AMD1: variants seen among roughly 807,000 people sequenced by gnomAD.
The protein encoded by AMD1 is adenosylmethionine decarboxylase 1.
In AMD1, 11 loss-of-function variants were observed where a neutral mutation model predicts 40.2. The ratio of observed to expected loss-of-function variants is 0.27; its 90% CI spans 0.17 to 0.45. The LOEUF is 0.45. Ranked by LOEUF, AMD1 falls within the 20% of genes least tolerant of loss-of-function variation. The pLI is 1.00. For missense variants in AMD1, 257 were observed against 410.2 expected (o/e 0.63, Z 3.23); for synonymous variants, 121 against 130.8 (o/e 0.93, Z 0.51).
chr6:110,844,609 A>T, the AMD1 span, among the ~76,000 whole-genome samples: 1 of 151,642 alleles, frequency 6.6e-6, no homozygotes, highest in Admixed American at 6.6e-5. Context: ...GTGAAACCCC[A>T]TCTCTACTAA....
the AMD1 span, among the ~76,000 whole-genome samples, chr6:110,853,687 C>T: frequency 6.6e-6 from 1 of 152,162 alleles, no homozygotes; most frequent in Non-Finnish European, 1.5e-5. Context: ...GCGATCCTCT[C>T]ACCTCAGCCT....
the AMD1 span, among the ~76,000 whole-genome samples, chr6:110,843,640 G>T: frequency 1.3e-5 from 2 of 152,068 alleles, no homozygotes; most frequent in African/African-American, 4.8e-5. Flanking sequence ...AGGCTGGAGT[G>T]CAGTGGCGCC....
intron 1 of AMD1, among the ~76,000 whole-genome samples, chr6:110,880,216 C>T (rs1477138833): frequency 6.6e-6 from 1 of 152,098 alleles, no homozygotes; most frequent in Non-Finnish European, 1.5e-5. Context: ...CGCCCCTGGT[C>T]CCTTTGTCCA....
chr6:110,863,245 C>G, the AMD1 span, among the ~76,000 whole-genome samples: 1 of 149,198 alleles, frequency 6.7e-6, no homozygotes, highest in Non-Finnish European at 1.5e-5. Context: ...ACGCCTGGCC[C>G]CCAAGTTCGT....
At chr6:110,816,674 A>G in the AMD1 span, among the ~76,000 whole-genome samples, 1 of 144,446 alleles carries the variant, frequency 6.9e-6, no homozygotes, top group South Asian at 2.3e-4. Flanking sequence ...TTATCTGCAT[A>G]AAAGTCAACC....
At chr6:110,843,331 G>A in the AMD1 span, among the ~76,000 whole-genome samples, 2 of 150,944 alleles carry the variant, frequency 1.3e-5, no homozygotes, top group South Asian at 4.2e-4. Context: ...GGGCGCAGTG[G>A]TGCAGGCCTA....
the AMD1 span, chr6:110,863,925 C>T: frequency 2.4e-5 from 12 of 492,010 alleles, no homozygotes; most frequent in African/African-American, 2.0e-4. Flanking sequence ...ACCAAAAAAA[C>T]ATGAAGGCCA....
chr6:110,814,815 G>A, the AMD1 span: 23 of 732,860 alleles, frequency 3.1e-5, no homozygotes, highest in South Asian at 3.2e-4. Flanking sequence ...GGGAGTTCGA[G>A]GTACGCGACG....
chr6:110,836,012 CAAAA>C, the AMD1 span, among the ~76,000 whole-genome samples: 3 of 60,754 alleles, frequency 4.9e-5, no homozygotes, highest in Non-Finnish European at 6.5e-5. Flanking sequence ...GACCTTGACT[CAAAA>C]AAAAAAAAAA....
At chr6:110,825,100 A>G in the AMD1 span, among the ~76,000 whole-genome samples, 26 of 152,196 alleles carry the variant, frequency 1.7e-4, no homozygotes, top group Non-Finnish European at 1.2e-4. Context: ...CTTCAAATAC[A>G]TATACACACA....
At chr6:110,859,567 T>C in the AMD1 span, among the ~76,000 whole-genome samples, 1 of 151,046 alleles carries the variant, frequency 6.6e-6, no homozygotes, top group Non-Finnish European at 1.5e-5. Flanking sequence ...GAAAAATACT[T>C]TTTTTTTTCC....
At chr6:110,842,990 G>A in the AMD1 span, among the ~76,000 whole-genome samples, 25 of 152,014 alleles carry the variant, frequency 1.6e-4, no homozygotes, top group Non-Finnish European at 2.8e-4. Context: ...AAAATTAGCC[G>A]GGCATGGTGG....
chr6:110,835,316 C>T, the AMD1 span, among the ~76,000 whole-genome samples: 1 of 151,996 alleles, frequency 6.6e-6, no homozygotes, highest in Non-Finnish European at 1.5e-5. Flanking sequence ...CCGCACCCGG[C>T]CTGTGGATAC....
the AMD1 span, among the ~76,000 whole-genome samples, chr6:110,864,740 T>C: frequency 1.3e-5 from 2 of 152,226 alleles, no homozygotes; most frequent in East Asian, 3.8e-4. Context: ...GGAGTTTCTG[T>C]GACTTCATTT....
chr6:110,846,824 C>A, the AMD1 span, among the ~76,000 whole-genome samples: 3 of 150,252 alleles, frequency 2.0e-5, no homozygotes, highest in Non-Finnish European at 4.5e-5. Context: ...GAGCTGAGAT[C>A]GCGCCACTGC....
intron 1 of AMD1, among the ~76,000 whole-genome samples, chr6:110,881,838 A>G (rs1261835981): frequency 6.6e-6 from 1 of 151,212 alleles, no homozygotes. Flanking sequence ...AAAAAAAAAA[A>G]TTGTGTGCTT....
intron 1 of AMD1, among the ~76,000 whole-genome samples, chr6:110,877,502 G>C (rs764613301): frequency 1.3e-5 from 2 of 152,228 alleles, no homozygotes; most frequent in Non-Finnish European, 2.9e-5. Context: ...AAGGATAATC[G>C]GTCATCTAGA....
At chr6:110,854,578 A>G in the AMD1 span, among the ~76,000 whole-genome samples, 3 of 151,958 alleles carry the variant, frequency 2.0e-5, no homozygotes, top group Non-Finnish European at 4.4e-5. Flanking sequence ...CCTCCCAAGT[A>G]ACTGGGATTA....
At chr6:110,874,112 G>A (rs1246250918), upstream of AMD1, among the ~76,000 whole-genome samples, 1 of 152,214 alleles carries the variant, frequency 6.6e-6, no homozygotes, top group African/African-American at 2.4e-5. Context: ...GCCCTCCAAG[G>A]CTGGGCGCCA....
Sources: allele counts gnomAD v4.1 joint callset (sites outside exome capture counted in the v4.1 genomes callset), GRCh38; gene constraint gnomAD v4.1.1; transcripts MANE v1.5; gene names NCBI Gene and HGNC (gene_info 2026-07-23, HGNC 2026-07-21).